RALY: variants seen among roughly 807,000 people sequenced by gnomAD.
The protein encoded by RALY is RALY heterogeneous nuclear ribonucleoprotein.
A neutral mutation model predicts 30.7 loss-of-function variants in RALY; 15 were observed. The ratio of observed to expected loss-of-function variants is 0.49; its 90% confidence interval spans 0.33 to 0.75. The LOEUF (loss-of-function observed/expected upper bound fraction) is 0.75. Among genes scored for constraint, RALY ranks in the 30% least tolerant of loss-of-function variants. RALY has a pLI of 0.02. For missense variants in RALY, 339 were observed against 414.3 expected (o/e 0.82, Z 1.58); for synonymous variants, 177 against 170.8 (o/e 1.04, Z -0.28).
chr20:34,077,265 C>T lies in RALY; in HGVS notation c.876+20C>T, dbSNP rs1236239895. 3 of 1,613,078 alleles carry T rather than the reference C, an allele frequency of 1.9e-6. No individual in the cohort carries two copies. Among genetic ancestry groups the T allele is most frequent in the Non-Finnish European group, 2.5e-6 (3 of 1,179,536 alleles). ...GAGCTGGTGAGGGCCTGGCCAGGGGCACGACTGGGACTCGACTGTGCTCCT... is the reference window on the plus strand; with the variant it reads ...GAGCTGGTGAGGGCCTGGCCAGGGGTACGACTGGGACTCGACTGTGCTCCT... On this transcript the variant is annotated intron_variant, in intron 8 of 9. Coordinates refer to ENST00000246194, the MANE Select transcript of RALY (RefSeq NM_016732.3).
intron 1 of RALY, among the ~76,000 whole-genome samples, chr20:34,008,436 A>G (rs563396993): frequency 5.5e-4 from 84 of 152,288 alleles, no homozygotes; most frequent in Middle Eastern, 3.4e-3. Context: ...AAGACAAGGA[A>G]CTTTTAGTTG....
intron 1 of RALY, among the ~76,000 whole-genome samples, chr20:34,028,720 A>T (rs1020790756): frequency 1.3e-5 from 2 of 150,496 alleles, no homozygotes; most frequent in South Asian, 2.1e-4. Context: ...AAAAAAAAAA[A>T]AAAAAAAAAA....
intron 1 of RALY, among the ~76,000 whole-genome samples, chr20:34,028,203 T>A (rs1316064839): frequency 6.6e-6 from 1 of 151,704 alleles, no homozygotes. Flanking sequence ...GGAGAATCGC[T>A]TGAAACCAGG....
chr20:34,067,816 CTTT>C (rs11480087), intron 2 of RALY, among the ~76,000 whole-genome samples: 5 of 132,668 alleles, frequency 3.8e-5, no homozygotes, highest in East Asian at 4.4e-4. Context: ...TTTCTTTTTT[CTTT>C]TTTTTTTTTT....
chr20:34,028,435 G>A (rs776082705), intron 1 of RALY, among the ~76,000 whole-genome samples: 29 of 152,096 alleles, frequency 1.9e-4, no homozygotes, highest in Non-Finnish European at 2.4e-4. Context: ...CCCACAAGCC[G>A]GAGATGTTTC....
intron 2 of RALY, among the ~76,000 whole-genome samples, chr20:34,041,883 A>T (rs1021406652): frequency 1.3e-5 from 2 of 152,014 alleles, no homozygotes; most frequent in Non-Finnish European, 2.9e-5. Flanking sequence ...AGGCGGGTGG[A>T]TCATTTGAGG....
intron 2 of RALY, among the ~76,000 whole-genome samples, chr20:34,038,869 A>G (rs961743049): frequency 3.3e-5 from 5 of 152,190 alleles, no homozygotes; most frequent in African/African-American, 4.8e-5. Context: ...TTGGCGTTCA[A>G]TCACTAGTGA....
At chr20:34,015,772 C>T (rs1025830609) in intron 1 of RALY, among the ~76,000 whole-genome samples, 2 of 152,082 alleles carry the variant, frequency 1.3e-5, no homozygotes, top group South Asian at 2.1e-4. Flanking sequence ...CTCATGCATA[C>T]AGGTGTATAG....
At chr20:34,064,106 G>A (rs1354191190) in intron 2 of RALY, among the ~76,000 whole-genome samples, 1 of 152,114 alleles carries the variant, frequency 6.6e-6, no homozygotes, top group Non-Finnish European at 1.5e-5. Flanking sequence ...TCTGTGTTTG[G>A]ATGACTTATT....
At chr20:34,074,972 C>T (rs1264642517) in intron 5 of RALY, among the ~76,000 whole-genome samples, 1 of 152,168 alleles carries the variant, frequency 6.6e-6, no homozygotes, top group African/African-American at 2.4e-5. Flanking sequence ...AAGTTTACCC[C>T]CTGGGCTGCG....
intron 2 of RALY, among the ~76,000 whole-genome samples, chr20:34,057,701 C>G (rs1260137313): frequency 6.7e-6 from 1 of 148,870 alleles, no homozygotes; most frequent in Non-Finnish European, 1.5e-5. Context: ...TCTGATCTTA[C>G]CCATTTTAAA....
chr20:34,067,310 TC>T (rs920000194), intron 2 of RALY, among the ~76,000 whole-genome samples: 2 of 152,026 alleles, frequency 1.3e-5, no homozygotes, highest in Non-Finnish European at 1.5e-5. Flanking sequence ...ATTACAGACA[TC>T]TGCCACCATG....
Position 34,075,955 on chromosome 20 carries a change from T to G in RALY, c.459T>G (p.Pro153=), listed in dbSNP as rs759168900. The stretch of plus-strand genomic sequence containing the variant: ...TGAAGCGACCCCGGGTCACAGTCCC[T>G]TTGGTCCGGCGTGTCAAAACTAACG... The part of the protein sequence containing the change: ...VPVKRPRVTV[P]LVRRVKTNVP... Residue 153 remains proline (P), a synonymous_variant, in exon 6 of 10, where the codon CCT becomes CCG. Coordinates refer to ENST00000246194, the MANE Select transcript of RALY (RefSeq NM_016732.3). 6.2e-7 allele frequency: 1 copy of G among 1,614,206 alleles called. No individual in the cohort carries two copies. Among genetic ancestry groups the G allele is most frequent in the East Asian group, 2.2e-5 (1 of 44,882 alleles).
At chr20:34,011,798 G>C (rs2031408358) in intron 1 of RALY, among the ~76,000 whole-genome samples, 1 of 152,166 alleles carries the variant, frequency 6.6e-6, no homozygotes, top group Admixed American at 6.5e-5. Flanking sequence ...AGACACGGTG[G>C]TTCATGCCTG....
rs2122940102 is a variant in RALY, at chr20:33,994,109, T to C, written c.-115T>C. On this transcript the variant is annotated 5_prime_UTR_variant, in exon 1 of 10. Transcript: ENST00000246194. ...ACCGCCTCCTTCCCAGCCGCGCGGC[T>C]TCCTCCAGACCTCTCGGCGCGGGTG... The C allele has an allele frequency of 6.6e-6, 1 of 152,480 alleles. No homozygotes were observed. Among genetic ancestry groups the C allele is most frequent in the Middle Eastern group, 3.4e-3 (1 of 294 alleles). 9.4% of individuals were successfully genotyped at this position (152,480 alleles called of 1,614,324 possible). A position where few individuals can be genotyped will look rare whatever the true frequency, so the allele number is the denominator to read the frequency against.
At chr20:34,051,979 C>T (rs1218786981) in intron 2 of RALY, among the ~76,000 whole-genome samples, 1 of 152,160 alleles carries the variant, frequency 6.6e-6, no homozygotes, top group East Asian at 1.9e-4. Context: ...AAATGCCTCA[C>T]TAGGTTAAGA....
At chr20:34,065,429 C>T (rs1388913409) in intron 2 of RALY, among the ~76,000 whole-genome samples, 2 of 152,230 alleles carry the variant, frequency 1.3e-5, no homozygotes, top group Non-Finnish European at 2.9e-5. Context: ...GCCTGCACTG[C>T]TTACACTTCA....
chr20:34,020,913 A>G (rs1158537007), intron 1 of RALY, among the ~76,000 whole-genome samples: 1 of 152,090 alleles, frequency 6.6e-6, no homozygotes, highest in Non-Finnish European at 1.5e-5. Context: ...GCTCAAAACT[A>G]TAAAAATCAA....
At position 34,077,101 on chromosome 20, in the gene RALY, T is replaced by C. The variant is rs2033910564; in HGVS notation, c.732T>C (p.Ser244=). ...GTGGTGGCAGCGGTGGCGGTGGCAG[T>C]GGTGGTGGCGGTGGCGGTGGCAGCA... ...GGGGGSGGGG[S]GGGGGGGSSR... Residue 244 remains serine, a synonymous_variant, in exon 8 of 10, where the codon AGT becomes AGC. Transcript: ENST00000246194. The C allele has an allele frequency of 6.2e-7, 1 of 1,604,704 alleles. No homozygotes were observed. The highest frequency in any genetic ancestry group is 8.5e-7 in the Non-Finnish European group (1 of 1,175,552).
Sources: gnomAD v4.1 joint callset for allele counts (sites outside exome capture counted in the v4.1 genomes callset) on GRCh38, gnomAD v4.1.1 for gene constraint, MANE v1.5 for transcripts, NCBI Gene and HGNC (gene_info 2026-07-23, HGNC 2026-07-21) for gene names.